The following SEPTIN7 variants were observed in gnomAD, a reference collection of about 807,000 sequenced individuals.
The protein encoded by SEPTIN7 is septin-7.
Under a neutral mutation model 63.3 loss-of-function variants are expected in SEPTIN7, and 10 were observed. The observed-to-expected ratio is 0.16, with a 90% CI of 0.10 to 0.27. The LOEUF is 0.27. Among genes scored for constraint, SEPTIN7 ranks in the 10% least tolerant of loss-of-function variants. The probability of loss-of-function intolerance (pLI) is 1.00; values close to 1 mark genes in which losing one functional copy is unlikely to be tolerated. For missense variants in SEPTIN7, 310 were observed against 521.0 expected (o/e 0.59, Z 3.94); for synonymous variants, 131 against 165.3 (o/e 0.79, Z 1.59).
In SEPTIN7 at chr7:35,906,933, T is replaced by G. The variant is rs1788634053; in HGVS notation, c.*2640T>G. On this transcript the variant is annotated 3_prime_UTR_variant, in exon 14 of 14. Coordinates refer to ENST00000350320, the MANE Select transcript of SEPTIN7 (RefSeq NM_001788.6). ...GGAGCGAAATGTTGACTCAGTTATCTAGATCATGGTCTCCAAACCTGATGC... is the reference window on the plus strand; with the variant it reads ...GGAGCGAAATGTTGACTCAGTTATCGAGATCATGGTCTCCAAACCTGATGC... The G allele has an allele frequency of 6.6e-6, 1 of 152,266 alleles. No individual in the cohort carries two copies. Among genetic ancestry groups the G allele is most frequent in the Admixed American group, 6.5e-5 (1 of 15,284 alleles). 9.4% of individuals were successfully genotyped at this position (152,266 alleles called of 1,614,324 possible).
intron 1 of SEPTIN7, among the ~76,000 whole-genome samples, chr7:35,817,299 A>C (rs1395679532): frequency 6.6e-6 from 1 of 152,066 alleles, no homozygotes; most frequent in Non-Finnish European, 1.5e-5. Context: ...ATTGTTGAAA[A>C]GACTAGTCTT....
intron 1 of SEPTIN7, 99 bp downstream of exon 1, chr7:35,801,369 A>G: frequency 1.4e-6 from 2 of 1,396,890 alleles, no homozygotes; most frequent in South Asian, 1.4e-5. Flanking sequence ...CCCTGAGGCG[A>G]GGCGGAGGCA....
At chr7:35,867,630 G>A (rs553632086) in intron 4 of SEPTIN7, among the ~76,000 whole-genome samples, 18 of 152,254 alleles carry the variant, frequency 1.2e-4, no homozygotes, top group South Asian at 2.1e-4. Flanking sequence ...GATTACAGGC[G>A]TGAGCCACCA....
chr7:35,873,683 C>T lies in SEPTIN7; in HGVS notation c.420C>T (p.Asp140=). The T allele has an allele frequency of 1.9e-6, 3 of 1,610,588 alleles. No homozygotes were observed. The highest frequency in any genetic ancestry group is 2.5e-6 in the Non-Finnish European group (3 of 1,178,996). ...VIDYIDSKFE[D]YLNAESRVNR... ...ACTACATTGATAGTAAATTTGAGGA[C>T]TACCTAAATGCAGAATCACGAGTGA... Residue 140 remains aspartate, a synonymous_variant, in exon 6 of 14, where the codon GAC becomes GAT. Coordinates refer to ENST00000350320, the MANE Select transcript of SEPTIN7 (RefSeq NM_001788.6).
intron 10 of SEPTIN7, among the ~76,000 whole-genome samples, chr7:35,887,813 G>C (rs1787358017): frequency 6.6e-6 from 1 of 152,192 alleles, no homozygotes; most frequent in Non-Finnish European, 1.5e-5. Flanking sequence ...TTATTAAAAA[G>C]ATGTGTATTT....
At chr7:35,843,542 G>A (rs1423913337) in intron 3 of SEPTIN7, among the ~76,000 whole-genome samples, 2 of 152,154 alleles carry the variant, frequency 1.3e-5, no homozygotes, top group Admixed American at 6.5e-5. Context: ...GTATTTGACT[G>A]TATTATAGAA....
At chr7:35,873,320 C>T (rs1786272299) in intron 5 of SEPTIN7, among the ~76,000 whole-genome samples, 1 of 151,894 alleles carries the variant, frequency 6.6e-6, no homozygotes, top group African/African-American at 2.4e-5. Flanking sequence ...TTAAAGTAAT[C>T]TCTCATTTGA....
chr7:35,873,656 C>G lies in SEPTIN7; in HGVS notation c.393C>G (p.Ile131Met), dbSNP rs765111999. Reference sequence around the variant, plus strand: ...CGTTCTATAGCTGGCAGCCTGTTATCGACTACATTGATAGTAAATTTGAGG... The same window carrying G: ...CGTTCTATAGCTGGCAGCCTGTTATGGACTACATTGATAGTAAATTTGAGG... ...VDNSNCWQPV[I>M]DYIDSKFEDY... The change falls in exon 6 of 14, where the codon ATC (isoleucine) becomes ATG (methionine). Residue 131 changes from isoleucine to methionine, a missense_variant. Transcript: ENST00000350320. 2 of 1,609,380 alleles carry G rather than the reference C, an allele frequency of 1.2e-6. No homozygotes were observed. Among genetic ancestry groups the G allele is most frequent in the Admixed American group, 3.4e-5 (2 of 59,672 alleles).
In SEPTIN7 at chr7:35,880,208, CTTT is replaced by C. The variant is rs1169840776; in HGVS notation, c.630+275_630+277del. On this transcript the variant is annotated intron_variant, in intron 7 of 13. Coordinates refer to ENST00000350320, the MANE Select transcript of SEPTIN7 (RefSeq NM_001788.6). ...TCTTTTTTCTTTTCTCTTTTCTTTT[CTTT>C]TTTTTTCTTTTCTTTTTTTTTTTTT... 5.2e-4 allele frequency among the ~76,000 whole-genome samples: 50 copies of C among 96,406 alleles called. 1 individual carries two copies. Among genetic ancestry groups the C allele is most frequent in the South Asian group, 1.3e-3 (4 of 3,020 alleles). The allele number at this position is 96,406 out of a possible 152,430, so 63.2% of individuals were successfully genotyped here.
chr7:35,813,956 G>A (rs1358900235), intron 1 of SEPTIN7, among the ~76,000 whole-genome samples: 1 of 152,092 alleles, frequency 6.6e-6, no homozygotes, highest in Admixed American at 6.6e-5. Context: ...ACTATTGGTA[G>A]TATTGCTGCT....
intron 3 of SEPTIN7, among the ~76,000 whole-genome samples, chr7:35,858,401 G>A (rs143962160): frequency 1.9e-4 from 29 of 152,214 alleles, no homozygotes; most frequent in African/African-American, 7.0e-4. Flanking sequence ...CTGTCGCCAG[G>A]CTGGCGTGCA....
At chr7:35,822,311 C>T (rs991565465) in intron 1 of SEPTIN7, among the ~76,000 whole-genome samples, 1 of 152,156 alleles carries the variant, frequency 6.6e-6, no homozygotes, top group African/African-American at 2.4e-5. Context: ...GTCCACCCGC[C>T]TCGGACTCCC....
intron 1 of SEPTIN7, among the ~76,000 whole-genome samples, chr7:35,806,763 G>A (rs1788368581): frequency 6.6e-6 from 1 of 152,082 alleles, no homozygotes; most frequent in African/African-American, 2.4e-5. Flanking sequence ...TTTGTTAGTT[G>A]ACTCATTTAA....
At chr7:35,808,495 A>G (rs1342969701) in intron 1 of SEPTIN7, among the ~76,000 whole-genome samples, 1 of 152,144 alleles carries the variant, frequency 6.6e-6, no homozygotes, top group African/African-American at 2.4e-5. Context: ...GCTCCAACAA[A>G]ATACCTGAGA....
intron 5 of SEPTIN7, 43 bp downstream of exon 5, chr7:35,872,809 T>A: frequency 1.5e-6 from 2 of 1,319,668 alleles, no homozygotes; most frequent in Non-Finnish European, 2.2e-6. Context: ...GCATTTGGGG[T>A]ACTGGGGTGG....
chr7:35,808,098 C>T (rs542454777), intron 1 of SEPTIN7, among the ~76,000 whole-genome samples: 10 of 151,566 alleles, frequency 6.6e-5, no homozygotes, highest in East Asian at 5.8e-4. Context: ...ATTACAGGTG[C>T]AAGCCACCGC....
At chr7:35,801,312 T>G (rs553679863) in intron 1 of SEPTIN7, 42 bp downstream of exon 1, 1 of 1,513,680 alleles carries the variant, frequency 6.6e-7, no homozygotes, top group African/African-American at 1.4e-5. Context: ...GGTCAGCGGC[T>G]CCGAATGCCG....
intron 11 of SEPTIN7, among the ~76,000 whole-genome samples, chr7:35,894,427 A>G (rs1458194119): frequency 6.6e-6 from 1 of 152,176 alleles, no homozygotes; most frequent in Non-Finnish European, 1.5e-5. Context: ...AGATTCTCAG[A>G]ATTCTTGATA....
chr7:35,897,975 T>C (rs565008202), intron 11 of SEPTIN7, among the ~76,000 whole-genome samples: 1 of 134,274 alleles, frequency 7.4e-6, no homozygotes, highest in Non-Finnish European at 1.6e-5. Flanking sequence ...TGTGAATGTA[T>C]TTTGGGAATT....
Sources: allele counts gnomAD v4.1 joint callset (sites outside exome capture counted in the v4.1 genomes callset), GRCh38; gene constraint gnomAD v4.1.1; transcripts MANE v1.5; gene names NCBI Gene and HGNC (gene_info 2026-07-23, HGNC 2026-07-21).